Variants in CACNA2D4 observed in about 807,000 individuals in gnomAD.
The protein encoded by CACNA2D4 is calcium voltage-gated channel auxiliary subunit alpha2delta 4, also known as voltage-dependent calcium channel subunit alpha-2/delta-4.
CACNA2D4 carries 157 observed loss-of-function variants against 163.8 expected under a neutral mutation model. The observed-to-expected ratio is 0.96, with a 90% CI of 0.84 to 1.09. The LOEUF (loss-of-function observed/expected upper bound fraction) is 1.09. CACNA2D4 is among the 50% of genes least tolerant of loss of function. The probability of loss-of-function intolerance (pLI) is 0.00; values close to 1 mark genes in which losing one functional copy is unlikely to be tolerated. For synonymous variants in CACNA2D4, 598 were observed against 586.9 expected (o/e 1.02, Z -0.27); for missense variants, 1,410 against 1,479.9 (o/e 0.95, Z 0.78).
At chr12:1,880,985 C>T (rs1451383522) in intron 13 of CACNA2D4, among the ~76,000 whole-genome samples, 1 of 152,206 alleles carries the variant, frequency 6.6e-6, no homozygotes, top group Non-Finnish European at 1.5e-5. Flanking sequence ...GCTGTCCCTG[C>T]ACTCATGTTT....
intron 23 of CACNA2D4, among the ~76,000 whole-genome samples, chr12:1,848,429 C>A (rs114904580): frequency 6.6e-6 from 1 of 152,110 alleles, no homozygotes; most frequent in African/African-American, 2.4e-5. Context: ...GACCGGGTTC[C>A]GGTTTGTGTT....
rs1476701657 is a variant in CACNA2D4, at chr12:1,828,187, G to C, written c.2551+12552C>G. On this transcript the variant is annotated intron_variant, in intron 26 of 37. Transcript: ENST00000382722. This position sits in a 1 kb window ranked among gnomAD's most constrained non-coding sequence, Gnocchi z 4.2. ...GCAGCAGCCCTGGGCAGAGGGGCAG[G>C]CTCGCCCTGCAGTGGAGGCAAGTCT... is the stretch of plus-strand genomic sequence containing the variant. 7.8e-6 allele frequency: 12 copies of C among 1,547,002 alleles called. No individual in the cohort carries two copies. Among genetic ancestry groups the C allele is most frequent in the Non-Finnish European group, 9.6e-6 (11 of 1,145,460 alleles).
chr12:1,906,102 G>T (rs566154586), intron 6 of CACNA2D4, among the ~76,000 whole-genome samples: 56 of 152,286 alleles, frequency 3.7e-4, no homozygotes, highest in African/African-American at 1.3e-3. Context: ...TTCAACAAAA[G>T]GTGCTGGGGC....
At position 1,793,683 on chromosome 12, in the gene CACNA2D4, C is replaced by T. The variant is rs775985308; in HGVS notation, c.3386G>A (p.Trp1129Ter). Reference sequence around the variant, plus strand: ...CCGCAGGAGTTGGGGCAGTAGCCCCCAGGCACACACAGGCAGCAGGAGTAG... The same window carrying T: ...CCGCAGGAGTTGGGGCAGTAGCCCCTAGGCACACACAGGCAGCAGGAGTAG... ...PPLLLLPVCA[W>*]GLLPQLLR The change falls in exon 38 of 38, where the codon TGG becomes TAG. Residue 1129 changes from tryptophan (W) to a stop codon, truncating the protein, a stop_gained. Coordinates refer to ENST00000382722, the MANE Select transcript of CACNA2D4 (RefSeq NM_172364.5). LOFTEE classifies it high-confidence loss of function. 6.2e-7 allele frequency: 1 copy of T among 1,613,720 alleles called. No homozygotes were observed. Among genetic ancestry groups the T allele is most frequent in the African/African-American group, 1.3e-5 (1 of 74,936 alleles).
At chr12:1,846,808 T>C in intron 23 of CACNA2D4, 119 bp from the exon 24 acceptor site, 1 of 811,402 alleles carries the variant, frequency 1.2e-6, no homozygotes, top group Non-Finnish European at 2.0e-6. Context: ...GGGAAGACTT[T>C]CCAGGAAGGC....
chr12:1,890,415 C>T (rs1236385619), intron 6 of CACNA2D4, among the ~76,000 whole-genome samples: 3 of 152,214 alleles, frequency 2.0e-5, no homozygotes, highest in South Asian at 2.1e-4. Context: ...AGGGCTGAAG[C>T]GTGAGCTATT....
rs1342337535 is a variant in CACNA2D4, at chr12:1,874,785, T to C, written c.1807-110A>G. ...GATCCCCAGAAACACTTTTGGTTCTTCCCTTTTTCCTCTGAGAGAGATACC... is the reference window on the plus strand; with the variant it reads ...GATCCCCAGAAACACTTTTGGTTCTCCCCTTTTTCCTCTGAGAGAGATACC... On this transcript the variant is annotated intron_variant, in intron 17 of 37. Transcript: ENST00000382722. The surrounding 1 kb of genome is among the most constrained non-coding windows in gnomAD (Gnocchi z 4.4). 2.5e-6 allele frequency: 2 copies of C among 791,066 alleles called. No individual in the cohort carries two copies. The highest frequency in any genetic ancestry group is 4.4e-6 in the Non-Finnish European group (2 of 453,028). 49.0% of individuals were successfully genotyped at this position (791,066 alleles called of 1,614,324 possible).
chr12:1,913,254 GT>G, intron 2 of CACNA2D4, 115 bp from the exon 3 acceptor site: 1 of 736,532 alleles, frequency 1.4e-6, no homozygotes, highest in Non-Finnish European at 2.4e-6. Context: ...ATGGAGCCTG[GT>G]TTACTCAACT....
At chr12:1,895,067 A>G (rs369343745) in intron 6 of CACNA2D4, among the ~76,000 whole-genome samples, 2 of 151,366 alleles carry the variant, frequency 1.3e-5, no homozygotes, top group East Asian at 3.9e-4. Context: ...ATATACAAAA[A>G]TCAGTAGTGT....
At position 1,842,125 on chromosome 12, in the gene CACNA2D4, T is replaced by G. The variant is rs1042680732; in HGVS notation, c.2471-1306A>C. On this transcript the variant is annotated intron_variant, in intron 25 of 37. Coordinates refer to ENST00000382722, the MANE Select transcript of CACNA2D4 (RefSeq NM_172364.5). ...GCATGTGGAGACCCTAATGAGGCAGTCTCTGGGGACATCAGGGATTTCAGT... is the reference window on the plus strand; with the variant it reads ...GCATGTGGAGACCCTAATGAGGCAGGCTCTGGGGACATCAGGGATTTCAGT... 4.5e-4 allele frequency among the ~76,000 whole-genome samples: 69 copies of G among 152,110 alleles called. 1 individual carries two copies. The highest frequency in any genetic ancestry group is 1.7e-3 in the African/African-American group (69 of 41,418).
chr12:1,883,303 C>G lies in CACNA2D4; in HGVS notation c.1352-303G>C, dbSNP rs1385868687. 6.6e-6 allele frequency among the ~76,000 whole-genome samples: 1 copy of G among 152,194 alleles called. No homozygotes were observed. The highest frequency in any genetic ancestry group is 2.1e-4 in the South Asian group (1 of 4,834). The stretch of plus-strand genomic sequence containing the variant: ...GTGTTGGGGGTCAGCCTCTCCCTCT[C>G]CCAGCCTCGCCCTCCCACTTCCTCA... On this transcript the variant is annotated intron_variant, in intron 12 of 37. Coordinates refer to ENST00000382722, the MANE Select transcript of CACNA2D4 (RefSeq NM_172364.5). The surrounding 1 kb of genome is among the most constrained non-coding windows in gnomAD (Gnocchi z 4.5).
Position 1,854,064 on chromosome 12 carries a change from G to C in CACNA2D4, c.2153-20C>G. ...CGTCACCTGGGTGCAAAACATCAGG[G>C]AACCAGGCCACATGCTTCCTCCATG... On this transcript the variant is annotated intron_variant, in intron 22 of 37. Coordinates refer to ENST00000382722, the MANE Select transcript of CACNA2D4 (RefSeq NM_172364.5). 6.3e-7 allele frequency: 1 copy of C among 1,580,522 alleles called. No individual in the cohort carries two copies. The highest frequency in any genetic ancestry group is 8.6e-7 in the Non-Finnish European group (1 of 1,157,210).
At position 1,834,239 on chromosome 12, in the gene CACNA2D4, A is replaced by G. The variant is rs1864752499; in HGVS notation, c.2551+6500T>C. ...GAGTGCAAGTTCTAGATGCCTGGTC[A>G]GCCCCTCTTTTTCTCTTCTGCATGT... is the stretch of plus-strand genomic sequence containing the variant. On this transcript the variant is annotated intron_variant, in intron 26 of 37. Coordinates refer to ENST00000382722, the MANE Select transcript of CACNA2D4 (RefSeq NM_172364.5). The surrounding 1 kb of genome is among the most constrained non-coding windows in gnomAD (Gnocchi z 7.6). 3.3e-6 allele frequency: 5 copies of G among 1,526,428 alleles called. No individual in the cohort carries two copies. The highest frequency in any genetic ancestry group is 1.4e-5 in the African/African-American group (1 of 72,400). 94.6% of individuals were successfully genotyped at this position (1,526,428 alleles called of 1,614,324 possible). A position where few individuals can be genotyped will look rare whatever the true frequency, so the allele number is the denominator to read the frequency against.
chr12:1,830,901 T>C, intron 26 of CACNA2D4: 3 of 1,547,406 alleles, frequency 1.9e-6, no homozygotes, highest in Non-Finnish European at 2.6e-6. Context: ...CCCGTCCTAT[T>C]GCTTTCTTTC....
chr12:1,881,105 C>T (rs1865985408), intron 13 of CACNA2D4, among the ~76,000 whole-genome samples: 1 of 152,176 alleles, frequency 6.6e-6, no homozygotes, highest in South Asian at 2.1e-4. Context: ...CCCTTAACTT[C>T]AGGGACTCCT....
In CACNA2D4 at chr12:1,795,082, G is replaced by A. The variant is rs1212517644; in HGVS notation, c.3309+217C>T. ...AATCAGGAAATAACAAGCGTTTTAG[G>A]AGCTTGCCAGGAATCAGGACAAAGA... On this transcript the variant is annotated intron_variant, in intron 37 of 37. Coordinates refer to ENST00000382722, the MANE Select transcript of CACNA2D4 (RefSeq NM_172364.5). 19 of 585,330 alleles carry A rather than the reference G, an allele frequency of 3.2e-5. No homozygotes were observed. In the East Asian group the frequency reaches 5.0e-4, roughly 15 times the overall value. 36.3% of individuals were successfully genotyped at this position (585,330 alleles called of 1,614,324 possible). A position where few individuals can be genotyped will look rare whatever the true frequency, so the allele number is the denominator to read the frequency against.
chr12:1,795,412 C>G, intron 36 of CACNA2D4, 31 bp from the exon 37 acceptor site: 1 of 1,590,120 alleles, frequency 6.3e-7, no homozygotes, highest in Non-Finnish European at 8.6e-7. Context: ...GTCAATATCT[C>G]AGGACCGGAG....
Position 1,816,248 on chromosome 12 carries a change from C to CA in CACNA2D4, c.2552-4526_2552-4525insT, listed in dbSNP as rs371181305. Among the ~76,000 whole-genome samples, 321 of 152,316 alleles carry CA rather than the reference C, an allele frequency of 2.1e-3. 1 individual carries two copies. Among genetic ancestry groups the CA allele is most frequent in the African/African-American group, 7.4e-3 (309 of 41,564 alleles). ...TGTTTGCAGACAAGCTCACACCTTT[C>CA]GGTGAAGAGAAATTCAGGCAAAGGG... On this transcript the variant is annotated intron_variant, in intron 26 of 37. Coordinates refer to ENST00000382722, the MANE Select transcript of CACNA2D4 (RefSeq NM_172364.5).
At chr12:1,849,392 A>G (rs1865225151) in intron 23 of CACNA2D4, among the ~76,000 whole-genome samples, 1 of 152,186 alleles carries the variant, frequency 6.6e-6, no homozygotes, top group South Asian at 2.1e-4. Context: ...TCAGAATAAC[A>G]ATGCCAATAC....
Sources: allele counts gnomAD v4.1 joint callset (sites outside exome capture counted in the v4.1 genomes callset), GRCh38; gene constraint gnomAD v4.1.1; non-coding constraint Gnocchi (gnomAD v3.1); transcripts MANE v1.5; gene names NCBI Gene and HGNC (gene_info 2026-07-23, HGNC 2026-07-21).